The following TMEM132A variants were observed in gnomAD, a reference collection of about 807,000 sequenced individuals.
TMEM132A encodes the protein transmembrane protein 132A, also known as GRP78-binding protein.
In TMEM132A, 48 loss-of-function variants were observed where a neutral mutation model predicts 69.9. That is an observed-to-expected ratio of 0.69 (90% CI 0.55 to 0.87). TMEM132A has a LOEUF of 0.87. Ranked by LOEUF, TMEM132A falls within the 40% of genes least tolerant of loss-of-function variation. The probability of loss-of-function intolerance (pLI) is 0.00; values close to 1 mark genes in which losing one functional copy is unlikely to be tolerated. For missense variants in TMEM132A, 1,287 were observed against 1,407.2 expected (o/e 0.91, Z 1.37); for synonymous variants, 577 against 613.7 (o/e 0.94, Z 0.88).
chr11:60,934,409 C>A, intron 8 of TMEM132A, 79 bp from the exon 9 acceptor site: 2 of 1,245,782 alleles, frequency 1.6e-6, no homozygotes, highest in Non-Finnish European at 2.0e-6. Context: ...GGACGAGCTG[C>A]GGGTCTCCAG....
Position 60,930,699 on chromosome 11 carries a change from G to A in TMEM132A, c.1016+40G>A. On this transcript the variant is annotated intron_variant, in intron 5 of 10. Coordinates refer to ENST00000453848, the MANE Select transcript of TMEM132A (RefSeq NM_178031.3). ...TCCACCCAGGGGGCAAAGGAGGGAGGGCTGGTTATAGAGTGCAGTTGAGCA... is the reference window on the plus strand; with the variant it reads ...TCCACCCAGGGGGCAAAGGAGGGAGAGCTGGTTATAGAGTGCAGTTGAGCA... 1.9e-6 allele frequency: 3 copies of A among 1,577,650 alleles called. No homozygotes were observed. In the Admixed American group the frequency reaches 5.3e-5, roughly 28 times the overall value.
chr11:60,927,043 C>G, intron 1 of TMEM132A, 161 bp from the exon 2 acceptor site: 1 of 697,060 alleles, frequency 1.4e-6, no homozygotes, highest in Non-Finnish European at 2.6e-6. Context: ...GCTCTTTAAG[C>G]CTCAGTGACC....
rs545580718 is a variant in TMEM132A at position 60,936,158 on chromosome 11, G to C, written c.2323G>C (p.Ala775Pro). ...GLPPASTPAP[A>P]LPSSPAWSPP... Reference sequence around the variant, plus strand: ...GCCCCCTGCCTCCACTCCAGCCCCTGCTCTCCCATCCAGCCCTGCTTGGAG... The same window carrying C: ...GCCCCCTGCCTCCACTCCAGCCCCTCCTCTCCCATCCAGCCCTGCTTGGAG... Residue 775 changes from alanine to proline, a missense_variant, in exon 11 of 11, where the codon GCT becomes CCT. Physicochemically the swap from Ala to Pro is conservative, Grantham distance 27. Coordinates refer to ENST00000453848, the MANE Select transcript of TMEM132A (RefSeq NM_178031.3). The C allele has an allele frequency of 1.9e-6, 3 of 1,613,882 alleles. No homozygotes were observed. In the South Asian group the frequency reaches 3.3e-5, roughly 18 times the overall value.
chr11:60,927,543 G>T (rs2134894169), intron 2 of TMEM132A, 98 bp from the exon 3 acceptor site: 3 of 1,407,644 alleles, frequency 2.1e-6, no homozygotes, highest in Non-Finnish European at 2.9e-6. Context: ...GGAAACTGAG[G>T]CCCATAAAGG....
intron 7 of TMEM132A, chr11:60,932,693 GAGC>G (rs1856506520): frequency 6.6e-6 from 1 of 152,224 alleles, no homozygotes; most frequent in African/African-American, 2.4e-5. Flanking sequence ...GAGGGTGGTA[GAGC>G]AACTTCCTCT....
intron 1 of TMEM132A, among the ~76,000 whole-genome samples, chr11:60,926,865 T>G (rs1856357996): frequency 1.3e-5 from 2 of 152,068 alleles, no homozygotes; most frequent in Admixed American, 1.3e-4. Context: ...AGTGCCTTGG[T>G]ATCAGAGGCG....
Position 60,934,698 on chromosome 11 carries a change from G to A in TMEM132A, c.1770G>A (p.Ser590=). The change falls in exon 9 of 11, where the codon TCG becomes TCA. Residue 590 remains serine (S), a synonymous_variant. Coordinates refer to ENST00000453848, the MANE Select transcript of TMEM132A (RefSeq NM_178031.3). ...CGCCACACGCCCGCGTGCTGGACTC[G>A]CGTGTAGCCTCTCTGGAGGGTGGCC... ...LVAPHARVLD[S]RVASLEGGRV... is the part of the protein sequence containing the mutation. 3 of 1,606,598 alleles carry A rather than the reference G, an allele frequency of 1.9e-6. No homozygotes were observed. Among genetic ancestry groups the A allele is most frequent in the Non-Finnish European group, 2.5e-6 (3 of 1,179,462 alleles).
In TMEM132A at chr11:60,928,874, G is replaced by T. The variant is rs754776416; in HGVS notation, c.780G>T (p.Val260=). Residue 260 remains valine (V), a synonymous_variant, in exon 4 of 11, where the codon GTG becomes GTT. Transcript: ENST00000453848. The stretch of plus-strand genomic sequence containing the variant: ...TGGACGAGGCTGTGACTCTGCGGGT[G>T]CCTGACATGCCAGTGCGGCCCGGCC... ...VPLDEAVTLR[V]PDMPVRPGQL... is the part of the protein sequence containing the mutation. The T allele has an allele frequency of 1.2e-6, 2 of 1,612,784 alleles. No homozygotes were observed. Among genetic ancestry groups the T allele is most frequent in the South Asian group, 2.2e-5 (2 of 91,092 alleles).
Position 60,927,687 on chromosome 11 carries a change from G to T in TMEM132A, c.362G>T (p.Trp121Leu). The change falls in exon 3 of 11, where the codon TGG (tryptophan) becomes TTG (leucine). Residue 121 changes from tryptophan (W) to leucine (L), a missense_variant. Transcript: ENST00000453848. ...VTEPHQRPVP[W>L]DVRAVSVEAA... Reference sequence around the variant, plus strand: ...GAGCCCCACCAACGGCCAGTCCCATGGGACGTGCGGGCCGTTTCAGTGGAA... The same window carrying T: ...GAGCCCCACCAACGGCCAGTCCCATTGGACGTGCGGGCCGTTTCAGTGGAA... 6.2e-7 allele frequency: 1 copy of T among 1,613,534 alleles called. No individual in the cohort carries two copies.
intron 8 of TMEM132A, chr11:60,934,187 C>T: frequency 2.6e-6 from 1 of 383,226 alleles, no homozygotes; most frequent in East Asian, 4.2e-5. Context: ...TGGAATCTAG[C>T]TTCCAGGCCC....
chr11:60,929,269 C>T (rs550301069), intron 4 of TMEM132A, among the ~76,000 whole-genome samples: 5 of 152,308 alleles, frequency 3.3e-5, no homozygotes, highest in African/African-American at 4.8e-5. Context: ...GAGGGGAACC[C>T]GCAAAGGGCT....
Position 60,937,011 on chromosome 11 carries a change from AGTCCCCT to A in TMEM132A, c.*106_*112del. ...CACTCGTCTGGTGCTTGTTGATCCA[AGTCCCCT>A]GCCTGGTCCCCCACAAGGACTCCCA... On this transcript the variant is annotated 3_prime_UTR_variant, in exon 11 of 11. Transcript: ENST00000453848. The A allele has an allele frequency of 7.7e-7, 1 of 1,293,592 alleles. No homozygotes were observed. The highest frequency in any genetic ancestry group is 1.6e-5 in the South Asian group (1 of 64,216). 80.1% of individuals were successfully genotyped at this position (1,293,592 alleles called of 1,614,324 possible). A position where few individuals can be genotyped will look rare whatever the true frequency, so the allele number is the denominator to read the frequency against.
Position 60,928,586 on chromosome 11 carries a change from T to C in TMEM132A, c.535-43T>C. 4 of 1,569,046 alleles carry C rather than the reference T, an allele frequency of 2.5e-6. No individual in the cohort carries two copies. In the South Asian group the frequency reaches 3.4e-5, roughly 13 times the overall value. On this transcript the variant is annotated intron_variant, in intron 3 of 10. Coordinates refer to ENST00000453848, the MANE Select transcript of TMEM132A (RefSeq NM_178031.3). The stretch of plus-strand genomic sequence containing the variant: ...GTGCTGAGAATCCTGTTCCTCGCCC[T>C]GCACCCACCCCCATGCCAATTACTG...
At chr11:60,929,017 G>C in intron 4 of TMEM132A, 57 bp downstream of exon 4, 1 of 1,560,288 alleles carries the variant, frequency 6.4e-7, no homozygotes, top group Non-Finnish European at 8.8e-7. Flanking sequence ...GAAGACTAGG[G>C]ACAGGTACCT....
At position 60,928,729 on chromosome 11, in the gene TMEM132A, C is replaced by T; in HGVS notation, c.635C>T (p.Ala212Val). The T allele has an allele frequency of 6.2e-7, 1 of 1,609,652 alleles. No homozygotes were observed. The highest frequency in any genetic ancestry group is 8.5e-7 in the Non-Finnish European group (1 of 1,178,692). Residue 212 changes from alanine (A) to valine (V), a missense_variant, in exon 4 of 11, where the codon GCA becomes GTA. By Grantham distance (64) the Ala-to-Val change is moderately conservative. Transcript: ENST00000453848. ...GAGCTGGCCTACACGCTTGAGCCTGCAGCTGAGGGCCCTGGGGGCTGTGGC... is the reference window on the plus strand; with the variant it reads ...GAGCTGGCCTACACGCTTGAGCCTGTAGCTGAGGGCCCTGGGGGCTGTGGC... ...RAELAYTLEP[A>V]AEGPGGCGSG...
chr11:60,927,281 C>T lies in TMEM132A; in HGVS notation c.178C>T (p.Arg60Cys), dbSNP rs774589852. The T allele has an allele frequency of 2.3e-5, 37 of 1,613,452 alleles. No homozygotes were observed. Among genetic ancestry groups the T allele is most frequent in the Non-Finnish European group, 2.9e-5 (34 of 1,179,968 alleles). Residue 60 changes from arginine to cysteine, a missense_variant, in exon 2 of 11, where the codon CGT becomes TGT. By Grantham distance (180) the Arg-to-Cys change is radical (BLOSUM62 -3). Coordinates refer to ENST00000453848, the MANE Select transcript of TMEM132A (RefSeq NM_178031.3). ...GCTCCTAGACGCCCCTGAACACTTC[C>T]GTGTGCAGCAGGTGGGCCACTACCC... ...LELLDAPEHFRVQQVGHYPPA... is the reference protein window; with the variant it reads ...LELLDAPEHFCVQQVGHYPPA...
rs565092417 is a variant in TMEM132A, at chr11:60,932,248, A to G, written c.1356+121A>G. ...GAACAGCTTCTTCTTGAGACGAGAA[A>G]CCTCATGGGAGGAACCACAGCTTCA... On this transcript the variant is annotated intron_variant, in intron 7 of 10. Transcript: ENST00000453848. 90 of 1,229,430 alleles carry G rather than the reference A, an allele frequency of 7.3e-5. 1 individual carries two copies. In the South Asian group the frequency reaches 1.7e-3, roughly 23 times the overall value. 76.2% of individuals were successfully genotyped at this position (1,229,430 alleles called of 1,614,324 possible).
Position 60,935,646 on chromosome 11 carries a change from G to C in TMEM132A, c.2028+203G>C. 1 of 776,962 alleles carries C rather than the reference G, an allele frequency of 1.3e-6. No homozygotes were observed. Among genetic ancestry groups the C allele is most frequent in the Non-Finnish European group, 2.0e-6 (1 of 496,024 alleles). 48.1% of individuals were successfully genotyped at this position (776,962 alleles called of 1,614,324 possible). A position where few individuals can be genotyped will look rare whatever the true frequency, so the allele number is the denominator to read the frequency against. On this transcript the variant is annotated intron_variant, in intron 10 of 10. Transcript: ENST00000453848. The surrounding 1 kb of genome is among the most constrained non-coding windows in gnomAD (Gnocchi z 5.0). ...ATGGCAGTGGGAGGTTGGTTAGATG[G>C]CTCTAACTGAGGACCCTCCCAATAA...
intron 1 of TMEM132A, chr11:60,926,790 A>G (rs1445977543): frequency 7.8e-6 from 2 of 256,256 alleles, no homozygotes; most frequent in Non-Finnish European, 7.6e-6. Context: ...TTCAGGGCAG[A>G]GAAAGCTCAC....
Sources: gnomAD v4.1 joint callset for allele counts (sites outside exome capture counted in the v4.1 genomes callset) on GRCh38, gnomAD v4.1.1 for gene constraint, Gnocchi (gnomAD v3.1) non-coding constraint, MANE v1.5 for transcripts, NCBI Gene and HGNC (gene_info 2026-07-23, HGNC 2026-07-21) for gene names.